The following FAM234A variants were observed in gnomAD, a reference collection of about 807,000 sequenced individuals.
FAM234A encodes the protein family with sequence similarity 234 member A.
Under a neutral mutation model 49.1 loss-of-function variants are expected in FAM234A, and 42 were observed. The observed-to-expected ratio is 0.86, with a 90% CI of 0.67 to 1.11. FAM234A has a LOEUF of 1.11. Ranked by LOEUF, FAM234A falls within the 50% of genes least tolerant of loss-of-function variation. The probability of loss-of-function intolerance (pLI) is 0.00; values close to 1 mark genes in which losing one functional copy is unlikely to be tolerated. For synonymous variants in FAM234A, 369 were observed against 316.2 expected (o/e 1.17, Z -1.77); for missense variants, 815 against 745.2 (o/e 1.09, Z -1.09).
chr16:236,297 C>T (rs1325638892), intron 1 of FAM234A, among the ~76,000 whole-genome samples: 1 of 151,664 alleles, frequency 6.6e-6, no homozygotes, highest in Non-Finnish European at 1.5e-5. Context: ...GTATCTGGGA[C>T]TACAGGCATG....
rs1187999593 is a variant in FAM234A, at chr16:262,538, G to A, written c.956G>A (p.Arg319Lys). 17 of 1,606,672 alleles carry A rather than the reference G, an allele frequency of 1.1e-5. No individual in the cohort carries two copies. Among genetic ancestry groups the A allele is most frequent in the Non-Finnish European group, 1.4e-5 (17 of 1,176,870 alleles). Reference sequence around the variant, plus strand: ...AGCATGCTCAATGCCACCACCCGCAGGATGCTTTCCCACAGGTGGGTCCGG... The same window carrying A: ...AGCATGCTCAATGCCACCACCCGCAAGATGCTTTCCCACAGGTGGGTCCGG... ...WESMLNATTR[R>K]MLSHSSGAVR... is the part of the protein sequence containing the mutation. The change falls in exon 8 of 13, where the codon AGG becomes AAG. Residue 319 changes from arginine to lysine, a missense_variant. Transcript: ENST00000399932.
At chr16:245,842 C>G (rs892608140) in intron 1 of FAM234A, among the ~76,000 whole-genome samples, 3 of 152,148 alleles carry the variant, frequency 2.0e-5, no homozygotes, top group Non-Finnish European at 4.4e-5. Flanking sequence ...GTCATGCGTT[C>G]AAGACTTTCC....
At chr16:255,409 A>G (rs1377203223) in intron 3 of FAM234A, among the ~76,000 whole-genome samples, 1 of 152,164 alleles carries the variant, frequency 6.6e-6, no homozygotes, top group East Asian at 1.9e-4. Flanking sequence ...CCGCATCTCT[A>G]CAAAAAATAC....
chr16:269,591 A>G (rs1217626432), downstream of FAM234A: 2 of 1,610,426 alleles, frequency 1.2e-6, no homozygotes, highest in East Asian at 4.5e-5. Flanking sequence ...GAGTCCTACA[A>G]GAGACAGCGT....
chr16:268,352 C>A (rs758185816), downstream of FAM234A: 1 of 263,518 alleles, frequency 3.8e-6, no homozygotes, highest in South Asian at 4.9e-5. Flanking sequence ...GTGTGCTGGA[C>A]GCTGTTGGGA....
At chr16:266,519 G>C (rs1374307874), downstream of FAM234A, among the ~76,000 whole-genome samples, 1 of 152,216 alleles carries the variant, frequency 6.6e-6, no homozygotes, top group Admixed American at 6.5e-5. Flanking sequence ...CGGAGATGCA[G>C]CTTTGGGTGT....
rs765473468 is a variant in FAM234A, at chr16:254,495, C to A, written c.82C>A (p.Pro28Thr). ...AAAATCGCAGGAAAATCTGGGAAAT[C>A]CATCAAAAAATGAGGATAACGTGAA... ...ERKSQENLGN[P>T]SKNEDNVKSA... Residue 28 changes from proline (P) to threonine (T), a missense_variant, in exon 3 of 13, where the codon CCA becomes ACA. Pro to Thr is a conservative substitution (Grantham distance 38, BLOSUM62 -1). Transcript: ENST00000399932. 6.2e-7 allele frequency: 1 copy of A among 1,614,222 alleles called. No homozygotes were observed. Among genetic ancestry groups the A allele is most frequent in the East Asian group, 2.2e-5 (1 of 44,882 alleles).
chr16:269,583 G>A, downstream of FAM234A: 15 of 1,612,488 alleles, frequency 9.3e-6, no homozygotes, highest in East Asian at 4.5e-5. Flanking sequence ...TTGGGTAGGA[G>A]TCCTACAAGA....
At position 265,213 on chromosome 16, in the gene FAM234A, C is replaced by T; in HGVS notation, c.*191C>T. 6.4e-6 allele frequency: 9 copies of T among 1,403,666 alleles called. No individual in the cohort carries two copies. Among genetic ancestry groups the T allele is most frequent in the Non-Finnish European group, 8.3e-6 (9 of 1,082,762 alleles). The allele number at this position is 1,403,666 out of a possible 1,614,324, so 87.0% of individuals were successfully genotyped here. On this transcript the variant is annotated 3_prime_UTR_variant, in exon 13 of 13. Transcript: ENST00000399932. Reference sequence around the variant, plus strand: ...GGACCTGCATGGGTGAGGGGACACCCTGGGCCTCTCTCCCGCCCAGCATCC... The same window carrying T: ...GGACCTGCATGGGTGAGGGGACACCTTGGGCCTCTCTCCCGCCCAGCATCC...
chr16:238,720 C>G (rs929081981), intron 1 of FAM234A, among the ~76,000 whole-genome samples: 44 of 128,974 alleles, frequency 3.4e-4, no homozygotes, highest in Non-Finnish European at 5.9e-4. Context: ...GAGCAGAGAT[C>G]GTGCCACTGC....
At chr16:250,537 A>G (rs569006413) in intron 2 of FAM234A, among the ~76,000 whole-genome samples, 2 of 152,284 alleles carry the variant, frequency 1.3e-5, no homozygotes, top group Admixed American at 6.5e-5. Context: ...TCTGACTTCC[A>G]AGATGTTAAA....
Position 265,051 on chromosome 16 carries a change from A to G in FAM234A, c.*29A>G, listed in dbSNP as rs1177612751. On this transcript the variant is annotated 3_prime_UTR_variant, in exon 13 of 13. Transcript: ENST00000399932. ...CACGCCAGCCAGAGCCTGTGGAGAG[A>G]CTCCGCCTGCTGACACTAAACGTCC... 9.6e-6 allele frequency: 15 copies of G among 1,565,964 alleles called. No homozygotes were observed. Among genetic ancestry groups the G allele is most frequent in the Non-Finnish European group, 1.3e-5 (15 of 1,153,014 alleles).
At chr16:242,881 G>A (rs1034483784) in intron 1 of FAM234A, among the ~76,000 whole-genome samples, 1 of 151,918 alleles carries the variant, frequency 6.6e-6, no homozygotes, top group Non-Finnish European at 1.5e-5. Flanking sequence ...CAAAGTGCTG[G>A]GATTACAGGC....
intron 1 of FAM234A, among the ~76,000 whole-genome samples, chr16:244,854 A>ATTTTTTTTTTTTTT (rs1203898846): frequency 4.7e-5 from 7 of 147,378 alleles, no homozygotes; most frequent in South Asian, 2.2e-4. Context: ...CGCCCGGCTA[A>ATTTTTTTTTTTTTT]TTTTTTTTTG....
rs772840727 is a variant in FAM234A at position 254,558 on chromosome 16, G to C, written c.145G>C (p.Ala49Pro). 6.2e-7 allele frequency: 1 copy of C among 1,614,212 alleles called. No homozygotes were observed. The highest frequency in any genetic ancestry group is 1.1e-5 in the South Asian group (1 of 91,086). The change falls in exon 3 of 13, where the codon GCG becomes CCG. Residue 49 changes from alanine (A) to proline (P), a missense_variant. Physicochemically the swap from Ala to Pro is conservative, Grantham distance 27. Transcript: ENST00000399932. ...ACAGTCCCGGCTCTCCCGGTGCCGA[G>C]CGGCGGCGTTTTTTCTTTCATTGTT... Reference protein sequence around the residue: ...PPQSRLSRCRAAAFFLSLFLC... With the variant: ...PPQSRLSRCRPAAFFLSLFLC...
chr16:262,180 C>A lies in FAM234A; in HGVS notation c.796C>A (p.Leu266Ile). ...LGVDGESGFL[L>I]HVTRTGAHYI... is the part of the protein sequence containing the mutation. ...TGTGGACGGGGAAAGTGGCTTCCTCCTTCACGTCACCAGGACAGGTGCCCA... is the reference window on the plus strand; with the variant it reads ...TGTGGACGGGGAAAGTGGCTTCCTCATTCACGTCACCAGGACAGGTGCCCA... Residue 266 changes from leucine to isoleucine, a missense_variant, in exon 7 of 13, where the codon CTT (leucine) becomes ATT (isoleucine). Leu to Ile is a conservative substitution (Grantham distance 5). Transcript: ENST00000399932. The A allele has an allele frequency of 6.2e-7, 1 of 1,614,034 alleles. No individual in the cohort carries two copies. The highest frequency in any genetic ancestry group is 8.5e-7 in the Non-Finnish European group (1 of 1,180,028).
chr16:263,980 C>G (rs747675180), intron 10 of FAM234A, 36 bp from the exon 11 acceptor site: 1 of 1,592,896 alleles, frequency 6.3e-7, no homozygotes, highest in Non-Finnish European at 8.6e-7. Context: ...CCGGTAGCCC[C>G]CACGTTGGCC....
At chr16:259,623 G>A (rs1189363447) in intron 4 of FAM234A, 24 bp downstream of exon 4, 1 of 1,391,774 alleles carries the variant, frequency 7.2e-7, no homozygotes, top group South Asian at 1.2e-5. Flanking sequence ...ATATGAAAAA[G>A]GCGGAGCTCC....
chr16:248,003 A>C (rs548181697), intron 1 of FAM234A, among the ~76,000 whole-genome samples: 1 of 152,148 alleles, frequency 6.6e-6, no homozygotes, highest in East Asian at 1.9e-4. Flanking sequence ...GTGGGTGCTC[A>C]TCTGGTTAAG....
Sources: gnomAD v4.1 joint callset for allele counts (sites outside exome capture counted in the v4.1 genomes callset) on GRCh38, gnomAD v4.1.1 for gene constraint, MANE v1.5 for transcripts, NCBI Gene and HGNC (gene_info 2026-07-23, HGNC 2026-07-21) for gene names.